Variants in SNX8 observed in about 807,000 individuals in gnomAD.
SNX8 encodes the protein sorting nexin 8, also known as sorting nexin-8.
In SNX8, 25 loss-of-function variants were observed where a neutral mutation model predicts 51.6. The observed-to-expected ratio is 0.48, with a 90% confidence interval of 0.35 to 0.68. SNX8 has a LOEUF of 0.68. Ranked by LOEUF, SNX8 falls within the 30% of genes least tolerant of loss-of-function variation. The pLI is 0.00. For synonymous variants in SNX8, 324 were observed against 277.0 expected (o/e 1.17, Z -1.68); for missense variants, 695 against 624.0 (o/e 1.11, Z -1.21).
chr7:2,302,481 G>A (rs1018625316), intron 1 of SNX8, among the ~76,000 whole-genome samples: 5 of 152,206 alleles, frequency 3.3e-5, no homozygotes, highest in African/African-American at 4.8e-5. Flanking sequence ...GCCTGCCTTG[G>A]CCTCCCAAAG....
chr7:2,317,401 C>T (rs1562455791), upstream of SNX8, among the ~76,000 whole-genome samples: 1 of 151,138 alleles, frequency 6.6e-6, no homozygotes, highest in East Asian at 1.9e-4. Flanking sequence ...TCTCAGCCTC[C>T]CGTGTAGCTG....
intron 5 of SNX8, among the ~76,000 whole-genome samples, chr7:2,269,090 C>T (rs536398578): frequency 1.0e-4 from 13 of 127,910 alleles, no homozygotes; most frequent in African/African-American, 2.2e-4. Context: ...AATAGAAAGG[C>T]GGGAAAGGTG....
chr7:2,291,944 C>T (rs1015034492), intron 1 of SNX8, among the ~76,000 whole-genome samples: 6 of 152,224 alleles, frequency 3.9e-5, no homozygotes, highest in African/African-American at 1.4e-4. Flanking sequence ...CGTCTAATGA[C>T]GGACAACTGG....
rs960684329 is a variant in SNX8 at position 2,264,394 on chromosome 7, T to C, written c.686A>G (p.Tyr229Cys). 1.9e-6 allele frequency: 3 copies of C among 1,612,790 alleles called. No homozygotes were observed. Among genetic ancestry groups the C allele is most frequent in the African/African-American group, 1.3e-5 (1 of 74,948 alleles). ...AISRELIRNI[Y>C]NSFHKLRDRA... ...GTCGCGAAGCTTGTGAAAGCTATTG[T>C]AGATGTTCCGGATCAGCTCCCGGCT... Residue 229 changes from tyrosine (Y) to cysteine (C), a missense_variant, in exon 6 of 11, where the codon TAC becomes TGC. Physicochemically the swap from Tyr to Cys is radical, Grantham distance 194. Transcript: ENST00000222990.
intron 1 of SNX8, among the ~76,000 whole-genome samples, chr7:2,346,921 C>CAAA (rs758069233): frequency 6.0e-5 from 3 of 49,746 alleles, no homozygotes; most frequent in African/African-American, 1.1e-4. Flanking sequence ...GACTCCGTCT[C>CAAA]AAAAAAAAAA....
intron 1 of SNX8, among the ~76,000 whole-genome samples, chr7:2,335,265 TA>T (rs1439641242): frequency 2.6e-5 from 4 of 151,886 alleles, no homozygotes; most frequent in Admixed American, 2.6e-4. Flanking sequence ...AGCCAACGGA[TA>T]AACAAATTGT....
At chr7:2,281,872 G>A (rs1189458683) in intron 1 of SNX8, among the ~76,000 whole-genome samples, 2 of 152,098 alleles carry the variant, frequency 1.3e-5, no homozygotes, top group African/African-American at 4.8e-5. Context: ...CCTGGCCATC[G>A]CCATCTATGC....
At chr7:2,260,154 G>A (rs1395492549) in intron 7 of SNX8, among the ~76,000 whole-genome samples, 1 of 152,040 alleles carries the variant, frequency 6.6e-6, no homozygotes, top group East Asian at 1.9e-4. Context: ...GGAGTGCAGT[G>A]GCATGATCTC....
chr7:2,270,136 A>C (rs1205008744), intron 4 of SNX8, among the ~76,000 whole-genome samples: 1 of 152,014 alleles, frequency 6.6e-6, no homozygotes, highest in Non-Finnish European at 1.5e-5. Flanking sequence ...GGACAGGCCC[A>C]GCCCCTGGCA....
rs1208390682 is a variant in SNX8, at chr7:2,261,488, T to A, written c.915+1742A>T. On this transcript the variant is annotated intron_variant, in intron 7 of 10. Coordinates refer to ENST00000222990, the MANE Select transcript of SNX8 (RefSeq NM_013321.4). ...TTAATAATCTAGTCCAACCCCCTTG[T>A]ATTTAATTGATGGGGAAACTGAGGC... Among the ~76,000 whole-genome samples the A allele has an allele frequency of 2.0e-5, 3 of 152,322 alleles. No homozygotes were observed. The East Asian group carries it at 5.8e-4, about 29-fold the overall frequency.
chr7:2,291,582 A>G (rs528477829), intron 1 of SNX8, among the ~76,000 whole-genome samples: 74 of 151,718 alleles, frequency 4.9e-4, no homozygotes, highest in African/African-American at 1.7e-3. Context: ...TGGGTTATAG[A>G]GCGAGACTCG....
rs753537677 is a variant in SNX8, at chr7:2,264,368, T to C, written c.712A>G (p.Arg238Gly). 6 of 1,612,884 alleles carry C rather than the reference T, an allele frequency of 3.7e-6. No individual in the cohort carries two copies. The highest frequency in any genetic ancestry group is 2.7e-5 in the African/African-American group (2 of 74,930). The change falls in exon 6 of 11, where the codon AGG becomes GGG. Residue 238 changes from arginine (R) to glycine (G), a missense_variant. Coordinates refer to ENST00000222990, the MANE Select transcript of SNX8 (RefSeq NM_013321.4). ...IYNSFHKLRD[R>G]AERIASRAID... is the part of the protein sequence containing the mutation. The stretch of plus-strand genomic sequence containing the variant: ...GCCCGCGATGCGATCCGCTCGGCCC[T>C]GTCGCGAAGCTTGTGAAAGCTATTG...
chr7:2,253,795 C>G lies in SNX8; in HGVS notation c.*1261G>C, dbSNP rs1048833633. 6.6e-6 allele frequency: 1 copy of G among 152,284 alleles called. No individual in the cohort carries two copies. The highest frequency in any genetic ancestry group is 1.9e-4 in the East Asian group (1 of 5,186). 9.4% of individuals were successfully genotyped at this position (152,284 alleles called of 1,614,324 possible). On this transcript the variant is annotated 3_prime_UTR_variant, in exon 11 of 11. Coordinates refer to ENST00000222990, the MANE Select transcript of SNX8 (RefSeq NM_013321.4). ...CACGGCCGTGAGCTGCCCGTAGGTA[C>G]AGGCGGAAGGGAAGCACCCTCCGTG...
In SNX8 at chr7:2,278,268, G is replaced by A. The variant is rs78286162; in HGVS notation, c.132C>T (p.Ile44=). Residue 44 remains isoleucine, a synonymous_variant, in exon 2 of 11, where the codon ATC becomes ATT. Transcript: ENST00000222990. The part of the protein sequence containing the change: ...PTPQAIEPQA[I]VQQVPAPSRM... ...GACTGGGGGCTGGGACCTGCTGCAC[G>A]ATGGCCTGGGGCTCGATGGCCTGGG... 118 of 1,595,392 alleles carry A rather than the reference G, an allele frequency of 7.4e-5. No individual in the cohort carries two copies. The highest frequency in any genetic ancestry group is 5.1e-4 in the South Asian group (46 of 90,044).
intron 1 of SNX8, among the ~76,000 whole-genome samples, chr7:2,303,074 A>G (rs13239268): frequency 0.44 from 57,571 of 131,356 alleles, 11,959 homozygotes; most frequent in East Asian, 0.68. Context: ...TCAGCCCCCC[A>G]CCCGGCCAGC....
chr7:2,267,323 C>CCCCTCCCCCTCT (rs1346075534), intron 5 of SNX8, among the ~76,000 whole-genome samples: 1 of 139,384 alleles, frequency 7.2e-6, no homozygotes, highest in Non-Finnish European at 1.6e-5. Flanking sequence ...CCTCCCCCTC[C>CCCCTCCCCCTCT]CCCTCCCCCT....
At chr7:2,294,654 A>T (rs1184618186) in intron 1 of SNX8, among the ~76,000 whole-genome samples, 1 of 152,142 alleles carries the variant, frequency 6.6e-6, no homozygotes, top group Non-Finnish European at 1.5e-5. Context: ...ACCCAAAAAC[A>T]TGTGAGCAGG....
intron 1 of SNX8, among the ~76,000 whole-genome samples, chr7:2,341,859 G>A (rs1395539129): frequency 6.6e-6 from 1 of 151,958 alleles, no homozygotes; most frequent in Non-Finnish European, 1.5e-5. Flanking sequence ...TGTAATCTGA[G>A]CTACTCGGGA....
chr7:2,272,577 T>C (rs1795675876), intron 3 of SNX8, among the ~76,000 whole-genome samples: 1 of 152,094 alleles, frequency 6.6e-6, no homozygotes, highest in South Asian at 2.1e-4. Flanking sequence ...GGTTTCACCA[T>C]GTTGGTCACG....
Sources: allele counts gnomAD v4.1 joint callset (sites outside exome capture counted in the v4.1 genomes callset), GRCh38; gene constraint gnomAD v4.1.1; transcripts MANE v1.5; gene names NCBI Gene and HGNC (gene_info 2026-07-23, HGNC 2026-07-21).